WDR62: variants seen among roughly 807,000 people sequenced by gnomAD.
WDR62 encodes WD repeat-containing protein 62.
Under a neutral mutation model 160.6 loss-of-function variants are expected in WDR62, and 112 were observed. The observed-to-expected ratio is 0.70, with a 90% CI of 0.60 to 0.82. WDR62 has a LOEUF of 0.82. Ranked by LOEUF, WDR62 falls within the 40% of genes least tolerant of loss-of-function variation. The probability of loss-of-function intolerance (pLI) is 0.00; values close to 1 mark genes in which losing one functional copy is unlikely to be tolerated. For missense variants in WDR62, 1,819 were observed against 1,983.8 expected (o/e 0.92, Z 1.58); for synonymous variants, 792 against 815.1 (o/e 0.97, Z 0.48).
At chr19:36,068,832 G>C (rs1163318549) in intron 7 of WDR62, among the ~76,000 whole-genome samples, 1 of 152,042 alleles carries the variant, frequency 6.6e-6, no homozygotes, top group Non-Finnish European at 1.5e-5. Context: ...CCACAAAACC[G>C]CCATCGTCAT....
intron 30 of WDR62, 97 bp from the exon 31 acceptor site, chr19:36,104,421 C>T: frequency 6.6e-7 from 1 of 1,503,902 alleles, no homozygotes; most frequent in Admixed American, 1.8e-5. Context: ...GAGAAGTGTT[C>T]CAGACAGAAG....
At chr19:36,059,565 A>G (rs959726906) in intron 2 of WDR62, among the ~76,000 whole-genome samples, 1 of 152,048 alleles carries the variant, frequency 6.6e-6, no homozygotes, top group Non-Finnish European at 1.5e-5. Context: ...TTCACCTCCC[A>G]TGTAGCTGGG....
chr19:36,056,321 T>C (rs1970368943), intron 1 of WDR62, among the ~76,000 whole-genome samples: 1 of 152,206 alleles, frequency 6.6e-6, no homozygotes, highest in African/African-American at 2.4e-5. Context: ...ACTGTGATTA[T>C]ACCGCCCACT....
chr19:36,080,294 T>G (rs1599789201), intron 9 of WDR62, among the ~76,000 whole-genome samples: 1 of 150,010 alleles, frequency 6.7e-6, no homozygotes, highest in African/African-American at 2.4e-5. Flanking sequence ...TTTTTTTTTT[T>G]TAGTAGAGAC....
chr19:36,060,874 A>G (rs1033423941), intron 3 of WDR62: 1 of 152,208 alleles, frequency 6.6e-6, no homozygotes, highest in African/African-American at 2.4e-5. Context: ...ATTGATGGCT[A>G]TTTTCTAAGA....
chr19:36,108,838 A>AG (rs1973755677), downstream of WDR62, among the ~76,000 whole-genome samples: 2 of 146,260 alleles, frequency 1.4e-5, no homozygotes, highest in African/African-American at 5.1e-5. Context: ...TAGGTGACAA[A>AG]GCAAGGCCCT....
At chr19:36,106,582 C>A (rs576544774), downstream of WDR62, among the ~76,000 whole-genome samples, 4 of 152,084 alleles carry the variant, frequency 2.6e-5, no homozygotes, top group Non-Finnish European at 5.9e-5. Flanking sequence ...TGGGCTGAAG[C>A]TTGATAGAGG....
At chr19:36,072,654 G>A (rs1268740385) in intron 8 of WDR62, among the ~76,000 whole-genome samples, 1 of 152,074 alleles carries the variant, frequency 6.6e-6, no homozygotes, top group Non-Finnish European at 1.5e-5. Flanking sequence ...CCTTTTCCAC[G>A]ACAGGGCCTG....
Position 36,102,864 on chromosome 19 carries a change from CA to C in WDR62, c.3335+15del. On this transcript the variant is annotated intron_variant, in intron 27 of 31. Coordinates refer to ENST00000401500, the MANE Select transcript of WDR62 (RefSeq NM_001083961.2). Reference sequence around the variant, plus strand: ...AGAAGGCATCCAGGTAGAAGCTGGCCAAGCACTGCCCACCCTCTGGCTCCTC... The same window carrying C: ...AGAAGGCATCCAGGTAGAAGCTGGCCAGCACTGCCCACCCTCTGGCTCCTC... 1 of 1,614,130 alleles carries C rather than the reference CA, an allele frequency of 6.2e-7. No homozygotes were observed. Among genetic ancestry groups the C allele is most frequent in the Non-Finnish European group, 8.5e-7 (1 of 1,179,974 alleles).
chr19:36,110,169 G>A, the WDR62 span, among the ~76,000 whole-genome samples: 1 of 151,202 alleles, frequency 6.6e-6, no homozygotes, highest in Non-Finnish European at 1.5e-5. Flanking sequence ...GCCCCTGGCT[G>A]TGTCAAGAGA....
chr19:36,085,757 AGAAGATTTCCAAGT>A (rs1180262939), intron 12 of WDR62, among the ~76,000 whole-genome samples: 1 of 152,080 alleles, frequency 6.6e-6, no homozygotes, highest in Non-Finnish European at 1.5e-5. Flanking sequence ...ATGAGATAGG[AGAAGATTTCCAAGT>A]GAAGATTTCG....
chr19:36,076,874 A>G (rs1375104734), intron 9 of WDR62, among the ~76,000 whole-genome samples: 1 of 152,080 alleles, frequency 6.6e-6, no homozygotes, highest in Non-Finnish European at 1.5e-5. Context: ...TATTTACAGG[A>G]TCTGAATATG....
rs1379124758 is a variant in WDR62, at chr19:36,071,556, G to T, written c.883G>T (p.Val295Phe). The T allele has an allele frequency of 6.2e-7, 1 of 1,614,190 alleles. No individual in the cohort carries two copies. The part of the protein sequence containing the change: ...RVLEKWINLK[V>F]SLSSCLCVSQ... Reference sequence around the variant, plus strand: ...ACTGGGGTCCCTTTTGCCCCTACAGGTCTCCCTGTCTTCCTGCCTCTGTGT... The same window carrying T: ...ACTGGGGTCCCTTTTGCCCCTACAGTTCTCCCTGTCTTCCTGCCTCTGTGT... The change falls in exon 8 of 32, where the codon GTC (valine) becomes TTC (phenylalanine). Residue 295 changes from valine to phenylalanine, a missense_variant and splice_region_variant. Around this residue, in one of 3 missense-constraint regions of WDR62, gnomAD observed 934 missense variants for 1,157.2 expected, o/e 0.81. Coordinates refer to ENST00000401500, the MANE Select transcript of WDR62 (RefSeq NM_001083961.2).
At chr19:36,093,921 C>A in intron 19 of WDR62, 110 bp from the exon 20 acceptor site, 2 of 1,377,304 alleles carry the variant, frequency 1.5e-6, no homozygotes, top group Non-Finnish European at 2.1e-6. Flanking sequence ...TGACCAGCAG[C>A]CAAGAATATG....
At position 36,067,910 on chromosome 19, in the gene WDR62, G is replaced by C. The variant is rs1407057837; in HGVS notation, c.782G>C (p.Gly261Ala). Residue 261 changes from glycine (G) to alanine (A), a missense_variant, in exon 7 of 32, where the codon GGT becomes GCT. By Grantham distance (60) the Gly-to-Ala change is moderately conservative (BLOSUM62 0). This residue lies in a region of WDR62 where 934 missense variants were observed against 1,157.2 expected (regional missense o/e 0.81). Transcript: ENST00000401500. Reference protein sequence around the residue: ...HNNIFCGVACGRGRMAGSTFC... With the variant: ...HNNIFCGVACARGRMAGSTFC... ...AACATCTTCTGTGGTGTGGCCTGCG[G>C]TCGGGGCCGGATGGCGGGCAGTACC... The C allele has an allele frequency of 6.2e-7, 1 of 1,614,216 alleles. No individual in the cohort carries two copies. Among genetic ancestry groups the C allele is most frequent in the South Asian group, 1.1e-5 (1 of 91,082 alleles).
chr19:36,059,088 A>G (rs1288801171), intron 2 of WDR62: 2 of 688,712 alleles, frequency 2.9e-6, no homozygotes, highest in Non-Finnish European at 5.4e-6. Context: ...CTTTATTATG[A>G]CTACAGGGGG....
intron 9 of WDR62, among the ~76,000 whole-genome samples, chr19:36,079,074 G>T (rs186848898): frequency 6.6e-6 from 1 of 151,678 alleles, no homozygotes; most frequent in African/African-American, 2.4e-5. Context: ...TTTTGTGGGG[G>T]TGGGGTGGCA....
At chr19:36,065,929 C>T in intron 3 of WDR62, 29 bp from the exon 4 acceptor site, 1 of 1,611,970 alleles carries the variant, frequency 6.2e-7, no homozygotes, top group South Asian at 1.1e-5. Context: ...TCAGCGGAAC[C>T]AGTGATCAGC....
At chr19:36,108,105 G>C (rs1184497398), downstream of WDR62, among the ~76,000 whole-genome samples, 1 of 152,072 alleles carries the variant, frequency 6.6e-6, no homozygotes, top group Non-Finnish European at 1.5e-5. Context: ...AAATCCCAGG[G>C]AGAGGGTAGT....
Sources: gnomAD v4.1 joint callset for allele counts (sites outside exome capture counted in the v4.1 genomes callset) on GRCh38, gnomAD v4.1.1 for gene constraint, gnomAD v4.1.1 regional missense constraint, MANE v1.5 for transcripts, NCBI Gene and HGNC (gene_info 2026-07-23, HGNC 2026-07-21) for gene names.